RASSF5: variants seen among roughly 807,000 people sequenced by gnomAD.
RASSF5 encodes Ras association domain family member 5, also known as ras association domain-containing protein 5.
Under a neutral mutation model 40.5 loss-of-function variants are expected in RASSF5, and 25 were observed. That is an observed-to-expected ratio of 0.62 (90% CI 0.45 to 0.86). The LOEUF is 0.86. Ranked by LOEUF, RASSF5 falls within the 40% of genes least tolerant of loss-of-function variation. The pLI is 0.00. For missense variants in RASSF5, 521 were observed against 572.8 expected (o/e 0.91, Z 0.92); for synonymous variants, 246 against 252.4 (o/e 0.97, Z 0.24).
At chr1:206,562,068 C>G (rs782665229) in intron 2 of RASSF5, among the ~76,000 whole-genome samples, 1 of 152,166 alleles carries the variant, frequency 6.6e-6, no homozygotes, top group Non-Finnish European at 1.5e-5. Context: ...AATTCTTTTT[C>G]TTCAAGGAAG....
At chr1:206,567,174 T>C (rs766492432) in intron 2 of RASSF5, among the ~76,000 whole-genome samples, 42 of 151,896 alleles carry the variant, frequency 2.8e-4, no homozygotes, top group Non-Finnish European at 1.3e-4. Context: ...AGGAAGGGGG[T>C]AGGCAGGGCT....
chr1:206,561,328 A>G (rs1035064057), intron 2 of RASSF5, among the ~76,000 whole-genome samples: 4 of 152,224 alleles, frequency 2.6e-5, no homozygotes, highest in Admixed American at 6.5e-5. Context: ...ATGACCCAGG[A>G]TAGACCGTAG....
chr1:206,555,610 C>A (rs782482151), intron 2 of RASSF5, among the ~76,000 whole-genome samples: 1 of 152,212 alleles, frequency 6.6e-6, no homozygotes, highest in Non-Finnish European at 1.5e-5. Flanking sequence ...CCTGCAAACA[C>A]CCGGTAGCTC....
intron 2 of RASSF5, among the ~76,000 whole-genome samples, chr1:206,541,211 GA>G (rs1667538216): frequency 6.6e-6 from 1 of 152,188 alleles, no homozygotes; most frequent in South Asian, 2.1e-4. Context: ...GCTCTTTAAG[GA>G]AAGAAAATCA....
At chr1:206,516,342 T>C (rs1406456521) in intron 1 of RASSF5, among the ~76,000 whole-genome samples, 1 of 152,236 alleles carries the variant, frequency 6.6e-6, no homozygotes, top group East Asian at 1.9e-4. Context: ...CCTGTTGTCT[T>C]TCCCAATGGC....
intron 1 of RASSF5, among the ~76,000 whole-genome samples, chr1:206,523,488 T>TA (rs1435486158): frequency 3.9e-4 from 7 of 18,106 alleles, no homozygotes; most frequent in South Asian, 8.0e-3. Context: ...ATATATAATA[T>TA]TATATATTAT....
intron 2 of RASSF5, among the ~76,000 whole-genome samples, chr1:206,568,878 A>G (rs1553403777): frequency 6.6e-6 from 1 of 152,264 alleles, no homozygotes. Flanking sequence ...GTGGGGATGG[A>G]TAGCTCCAAC....
intron 2 of RASSF5, among the ~76,000 whole-genome samples, chr1:206,547,010 C>G (rs569215093): frequency 1.3e-5 from 2 of 152,148 alleles, no homozygotes; most frequent in Non-Finnish European, 2.9e-5. Flanking sequence ...GTGGCTCACA[C>G]CTGTAATCCT....
rs1156719117 is a variant in RASSF5, at chr1:206,579,808, G to A, written c.580-3461G>A. Among the ~76,000 whole-genome samples the A allele has an allele frequency of 1.3e-5, 2 of 152,182 alleles. No individual in the cohort carries two copies. The highest frequency in any genetic ancestry group is 2.9e-5 in the Non-Finnish European group (2 of 68,034). ...TAAGAACCACTGGTCTGGATTATACGCCATCTCTTGGGTGGAAAAAGGATC... is the reference window on the plus strand; with the variant it reads ...TAAGAACCACTGGTCTGGATTATACACCATCTCTTGGGTGGAAAAAGGATC... On this transcript the variant is annotated intron_variant, in intron 2 of 5. Transcript: ENST00000579436. The surrounding 1 kb of genome is among the most constrained non-coding windows in gnomAD (Gnocchi z 4.2).
chr1:206,548,339 C>T (rs1048375550), intron 2 of RASSF5, among the ~76,000 whole-genome samples: 10 of 151,992 alleles, frequency 6.6e-5, no homozygotes, highest in South Asian at 2.1e-4. Context: ...TTACTCATGG[C>T]GGAAGGTGAA....
At chr1:206,571,544 T>A (rs1436894427) in intron 2 of RASSF5, 1 of 152,184 alleles carries the variant, frequency 6.6e-6, no homozygotes, top group East Asian at 1.9e-4. Flanking sequence ...GGTGTGCTCA[T>A]AGTCTAATGA....
At chr1:206,526,934 C>T (rs138035126) in intron 1 of RASSF5, among the ~76,000 whole-genome samples, 4 of 152,242 alleles carry the variant, frequency 2.6e-5, no homozygotes, top group African/African-American at 7.2e-5. Context: ...GGATGCTTTG[C>T]ATACATACTC....
chr1:206,581,624 G>C (rs12124739), intron 2 of RASSF5, among the ~76,000 whole-genome samples: 1 of 90,834 alleles, frequency 1.1e-5, no homozygotes, highest in African/African-American at 3.1e-5. Flanking sequence ...GAGAGAGACA[G>C]AGAGAGAGGG....
chr1:206,539,410 T>C (rs1454820880), intron 2 of RASSF5, among the ~76,000 whole-genome samples: 2 of 152,100 alleles, frequency 1.3e-5, no homozygotes, highest in East Asian at 3.9e-4. Context: ...GTCTCCAGAG[T>C]AGCCATCACA....
At chr1:206,567,111 A>G (rs1054849396) in intron 2 of RASSF5, among the ~76,000 whole-genome samples, 3 of 152,082 alleles carry the variant, frequency 2.0e-5, no homozygotes, top group Non-Finnish European at 2.9e-5. Context: ...AACTTTTCAA[A>G]CCTACAGCAG....
intron 2 of RASSF5, among the ~76,000 whole-genome samples, chr1:206,561,210 T>C (rs1553402541): frequency 3.3e-5 from 5 of 152,092 alleles, no homozygotes. Flanking sequence ...CCCAGAGAGG[T>C]GGAAGGACGT....
At chr1:206,583,889 G>A (rs1440870521) in intron 3 of RASSF5, among the ~76,000 whole-genome samples, 1 of 152,142 alleles carries the variant, frequency 6.6e-6, no homozygotes, top group African/African-American at 2.4e-5. Context: ...GGCTCTTTGG[G>A]GTTCAGCCAG....
intron 2 of RASSF5, chr1:206,543,919 AATTTTTGT>A (rs1265223116): frequency 6.6e-6 from 1 of 152,014 alleles, no homozygotes; most frequent in East Asian, 1.9e-4. Context: ...ATGCCAGGCT[AATTTTTGT>A]ATTTTAAGTA....
At chr1:206,523,783 T>C (rs1335644472) in intron 1 of RASSF5, among the ~76,000 whole-genome samples, 1 of 102,986 alleles carries the variant, frequency 9.7e-6, no homozygotes, top group African/African-American at 4.1e-5. Context: ...ATATTATATA[T>C]AATATATTTT....
Sources: gnomAD v4.1 joint callset for allele counts (sites outside exome capture counted in the v4.1 genomes callset) on GRCh38, gnomAD v4.1.1 for gene constraint, Gnocchi (gnomAD v3.1) non-coding constraint, MANE v1.5 for transcripts, NCBI Gene and HGNC (gene_info 2026-07-23, HGNC 2026-07-21) for gene names.